MEGF8: variants seen among roughly 807,000 people sequenced by gnomAD.
MEGF8 encodes multiple EGF like domains 8.
A neutral mutation model predicts 302.9 loss-of-function variants in MEGF8; 156 were observed. The observed-to-expected ratio is 0.52, with a 90% CI of 0.45 to 0.59. MEGF8 has a LOEUF of 0.59. Among genes scored for constraint, MEGF8 ranks in the 20% least tolerant of loss-of-function variants. MEGF8 has a pLI of 0.00. For synonymous variants in MEGF8, 1,621 were observed against 1,660.5 expected (o/e 0.98, Z 0.58); for missense variants, 3,345 against 3,964.5 (o/e 0.84, Z 4.20).
At chr19:42,374,168 G>A (rs2039732366) in intron 41 of MEGF8, among the ~76,000 whole-genome samples, 1 of 152,106 alleles carries the variant, frequency 6.6e-6, no homozygotes, top group Non-Finnish European at 1.5e-5. Context: ...GACTTAAGAG[G>A]AAGACAGATT....
rs78233194 is a variant in MEGF8 at position 42,357,599 on chromosome 19, C to G, written c.5011+15C>G. The G allele has an allele frequency of 1.3e-6, 2 of 1,575,590 alleles. No homozygotes were observed. Among genetic ancestry groups the G allele is most frequent in the Non-Finnish European group, 1.7e-6 (2 of 1,162,156 alleles). ...ACCCCCCACAGGTGGGGCTGGGGAC[C>G]GGGAGGGGACAGCCCCCGTGGACCT... On this transcript the variant is annotated intron_variant, in intron 28 of 41. Transcript: ENST00000251268. This position sits in a 1 kb window ranked among gnomAD's most constrained non-coding sequence, Gnocchi z 5.2.
Position 42,358,256 on chromosome 19 carries a change from G to T in MEGF8, c.5124G>T (p.Leu1708=). 6.2e-7 allele frequency: 1 copy of T among 1,605,426 alleles called. No individual in the cohort carries two copies. The highest frequency in any genetic ancestry group is 2.2e-5 in the East Asian group (1 of 44,492). Residue 1708 remains leucine, a synonymous_variant, in exon 29 of 42, where the codon CTG becomes CTT. Coordinates refer to ENST00000251268, the MANE Select transcript of MEGF8 (RefSeq NM_001271938.2). This position sits in a 1 kb window ranked among gnomAD's most constrained non-coding sequence, Gnocchi z 4.4. ...LAAPSPELYS[L]HCPDRTWSLL... Reference sequence around the variant, plus strand: ...CCCCATCCCCCGAGCTCTACTCCCTGCACTGTCCTGACCGCACCTGGAGTC... The same window carrying T: ...CCCCATCCCCCGAGCTCTACTCCCTTCACTGTCCTGACCGCACCTGGAGTC...
chr19:42,343,443 T>C, intron 8 of MEGF8, 34 bp from the exon 9 acceptor site: 4 of 1,535,028 alleles, frequency 2.6e-6, no homozygotes, highest in Non-Finnish European at 2.7e-6. Context: ...GGGCTGGGGG[T>C]CTAATAATGT....
Position 42,375,916 on chromosome 19 carries a change from C to A in MEGF8, c.7679C>A (p.Ala2560Asp). 1 of 1,599,668 alleles carries A rather than the reference C, an allele frequency of 6.3e-7. No individual in the cohort carries two copies. Among genetic ancestry groups the A allele is most frequent in the Non-Finnish European group, 8.5e-7 (1 of 1,172,726 alleles). Residue 2560 changes from alanine (A) to aspartate (D), a missense_variant, in exon 42 of 42, where the codon GCC (alanine) becomes GAC (aspartate). Coordinates refer to ENST00000251268, the MANE Select transcript of MEGF8 (RefSeq NM_001271938.2). This position sits in a 1 kb window ranked among gnomAD's most constrained non-coding sequence, Gnocchi z 7.1. ...GCAGGGGCCAGCAGTGGGCCGGGCG[C>A]CCCAGCAGAGCCACGGGTACGGGAG... ...GGAGASSGPG[A>D]PAEPRVREVW...
Position 42,377,752 on chromosome 19 carries a change from A to G in MEGF8, c.*977A>G, listed in dbSNP as rs1042374998. 4 of 151,188 alleles carry G rather than the reference A, an allele frequency of 2.6e-5. No homozygotes were observed. Among genetic ancestry groups the G allele is most frequent in the African/African-American group, 9.8e-5 (4 of 41,010 alleles). 9.4% of individuals were successfully genotyped at this position (151,188 alleles called of 1,614,324 possible). A position where few individuals can be genotyped will look rare whatever the true frequency, so the allele number is the denominator to read the frequency against. On this transcript the variant is annotated 3_prime_UTR_variant, in exon 42 of 42. Transcript: ENST00000251268. ...CAGTGAGCTCAGATTGCGTCACTGC[A>G]CTCCAACCTGGGTGACAGAGCGAGA...
chr19:42,366,929 A>G lies in MEGF8; in HGVS notation c.6274-1526A>G, dbSNP rs1040205261. On this transcript the variant is annotated intron_variant, in intron 35 of 41. Transcript: ENST00000251268. ...TCTGGCAGTTCAGCAAGTCTCAGTG[A>G]TTTGCAGGCCCCTCAGTGGGCTCAG... Among the ~76,000 whole-genome samples the G allele has an allele frequency of 6.0e-4, 91 of 152,260 alleles. 1 individual carries two copies. Among genetic ancestry groups the G allele is most frequent in the African/African-American group, 2.1e-3 (88 of 41,560 alleles).
intron 8 of MEGF8, among the ~76,000 whole-genome samples, chr19:42,341,918 A>G (rs1443957379): frequency 6.6e-6 from 1 of 152,162 alleles, no homozygotes; most frequent in East Asian, 1.9e-4. Context: ...TGGGCGTATC[A>G]CTTCGGGGAC....
In MEGF8 at chr19:42,353,414, C is replaced by T. The variant is rs1346478486; in HGVS notation, c.3551-51C>T. 1 of 1,577,130 alleles carries T rather than the reference C, an allele frequency of 6.3e-7. No homozygotes were observed. Among genetic ancestry groups the T allele is most frequent in the Non-Finnish European group, 8.6e-7 (1 of 1,160,772 alleles). On this transcript the variant is annotated intron_variant, in intron 20 of 41. Transcript: ENST00000251268. The surrounding 1 kb of genome is among the most constrained non-coding windows in gnomAD (Gnocchi z 6.1). The stretch of plus-strand genomic sequence containing the variant: ...GTTTAGCTGAGCCAGTAGGCCTGGG[C>T]CTGTTTCCACCCTTGACTTGACTCT...
At chr19:42,332,602 G>A (rs1022874193) in intron 1 of MEGF8, among the ~76,000 whole-genome samples, 5 of 152,116 alleles carry the variant, frequency 3.3e-5, no homozygotes, top group Admixed American at 6.5e-5. Flanking sequence ...TCCTGTCCTC[G>A]TGATCCGCCT....
At chr19:42,343,655 A>G in intron 9 of MEGF8, 24 bp downstream of exon 9, 1 of 1,581,954 alleles carries the variant, frequency 6.3e-7, no homozygotes, top group Non-Finnish European at 8.6e-7. Context: ...TGACAGGGAA[A>G]GGGTGGCTGG....
rs375454414 is a variant in MEGF8 at position 42,347,351 on chromosome 19, C to T, written c.2098-921C>T. Among the ~76,000 whole-genome samples the T allele has an allele frequency of 9.8e-5, 14 of 142,648 alleles. No individual in the cohort carries two copies. The East Asian group carries it at 1.3e-3, about 13-fold the overall frequency. The allele number at this position is 142,648 out of a possible 152,430, so 93.6% of individuals were successfully genotyped here. A position where few individuals can be genotyped will look rare whatever the true frequency, so the allele number is the denominator to read the frequency against. The stretch of plus-strand genomic sequence containing the variant: ...TTTTTTTTTGAGATGGAGTCTCTCT[C>T]TATCGCCCAGGCTGGAGTGCAGTGG... On this transcript the variant is annotated intron_variant, in intron 12 of 41. Transcript: ENST00000251268.
rs1297685791 is a variant in MEGF8, at chr19:42,357,164, G to A, written c.4830+183G>A. ...CTGGGCTGGGACACAGCTTCACTCAGCAGCAGAGAGAGGCCAGGGGAGCAA... is the reference window on the plus strand; with the variant it reads ...CTGGGCTGGGACACAGCTTCACTCAACAGCAGAGAGAGGCCAGGGGAGCAA... On this transcript the variant is annotated intron_variant, in intron 27 of 41. Transcript: ENST00000251268. The surrounding 1 kb of genome is among the most constrained non-coding windows in gnomAD (Gnocchi z 5.2). Among the ~76,000 whole-genome samples, 3 of 152,224 alleles carry A rather than the reference G, an allele frequency of 2.0e-5. No individual in the cohort carries two copies. Among genetic ancestry groups the A allele is most frequent in the Non-Finnish European group, 2.9e-5 (2 of 68,024 alleles).
rs2039456262 is a variant in MEGF8, at chr19:42,356,616, C to T, written c.4623-158C>T. 6.6e-6 allele frequency among the ~76,000 whole-genome samples: 1 copy of T among 152,086 alleles called. No individual in the cohort carries two copies. Among genetic ancestry groups the T allele is most frequent in the African/African-American group, 2.4e-5 (1 of 41,408 alleles). On this transcript the variant is annotated intron_variant, in intron 26 of 41. Coordinates refer to ENST00000251268, the MANE Select transcript of MEGF8 (RefSeq NM_001271938.2). This position sits in a 1 kb window ranked among gnomAD's most constrained non-coding sequence, Gnocchi z 5.2. ...AAGCTCACCCGGGGACACTTGGGGA[C>T]CAGGGTACTTATTTGGGTGGTGCTA...
In MEGF8 at chr19:42,368,578, C is replaced by A; in HGVS notation, c.6397C>A (p.Arg2133Ser). Residue 2133 changes from arginine to serine, a missense_variant, in exon 36 of 42, where the codon CGC (arginine) becomes AGC (serine). By Grantham distance (110) the Arg-to-Ser change is moderately radical. Coordinates refer to ENST00000251268, the MANE Select transcript of MEGF8 (RefSeq NM_001271938.2). The surrounding 1 kb of genome is among the most constrained non-coding windows in gnomAD (Gnocchi z 4.9). ...QATQCALCLR[R>S]PHCGWCAWGG... The stretch of plus-strand genomic sequence containing the variant: ...AACTCAGTGCGCCTTGTGCCTGCGG[C>A]GCCCCCATTGCGGCTGGTGTGCCTG... 1 of 1,584,556 alleles carries A rather than the reference C, an allele frequency of 6.3e-7. No individual in the cohort carries two copies. The highest frequency in any genetic ancestry group is 2.3e-5 in the East Asian group (1 of 43,290).
Position 42,358,980 on chromosome 19 carries a change from G to C in MEGF8, c.5343+26G>C, listed in dbSNP as rs749070369. 2 of 1,601,220 alleles carry C rather than the reference G, an allele frequency of 1.2e-6. No homozygotes were observed. Among genetic ancestry groups the C allele is most frequent in the East Asian group, 4.5e-5 (2 of 44,520 alleles). On this transcript the variant is annotated intron_variant, in intron 30 of 41. Coordinates refer to ENST00000251268, the MANE Select transcript of MEGF8 (RefSeq NM_001271938.2). This position sits in a 1 kb window ranked among gnomAD's most constrained non-coding sequence, Gnocchi z 4.4. ...GTGAGATTTGAAGAGGGTTAGGATT[G>C]GGTGGGCTGGTAGGGGGGGATAGGT...
intron 35 of MEGF8, 145 bp downstream of exon 35, chr19:42,363,407 C>T (rs1009955704): frequency 1.9e-5 from 14 of 725,956 alleles, no homozygotes; most frequent in South Asian, 5.3e-5. Context: ...GCTTCCTTCT[C>T]GTGCCACCAT....
In MEGF8 at chr19:42,376,598, G is replaced by T; in HGVS notation, c.8361G>T (p.Leu2787=). The T allele has an allele frequency of 6.5e-7, 1 of 1,548,908 alleles. No individual in the cohort carries two copies. Residue 2787 remains leucine, a synonymous_variant, in exon 42 of 42, where the codon CTG becomes CTT. Transcript: ENST00000251268. This position sits in a 1 kb window ranked among gnomAD's most constrained non-coding sequence, Gnocchi z 8.2. The part of the protein sequence containing the change: ...MAGVATLLLQ[L]PGGPHAPNGA... ...GCGTGGCCACACTGCTGCTCCAGCT[G>T]CCTGGCGGGCCCCATGCACCCAACG... is the stretch of plus-strand genomic sequence containing the variant.
Position 42,358,978 on chromosome 19 carries a change from T to C in MEGF8, c.5343+24T>C. 2 of 1,602,016 alleles carry C rather than the reference T, an allele frequency of 1.2e-6. No homozygotes were observed. Among genetic ancestry groups the C allele is most frequent in the Non-Finnish European group, 1.7e-6 (2 of 1,174,862 alleles). On this transcript the variant is annotated intron_variant, in intron 30 of 41. Coordinates refer to ENST00000251268, the MANE Select transcript of MEGF8 (RefSeq NM_001271938.2). This position sits in a 1 kb window ranked among gnomAD's most constrained non-coding sequence, Gnocchi z 4.4. ...AGGTGAGATTTGAAGAGGGTTAGGATTGGGTGGGCTGGTAGGGGGGGATAG... is the reference window on the plus strand; with the variant it reads ...AGGTGAGATTTGAAGAGGGTTAGGACTGGGTGGGCTGGTAGGGGGGGATAG...
intron 41 of MEGF8, among the ~76,000 whole-genome samples, chr19:42,374,341 G>C (rs1456348396): frequency 1.3e-5 from 2 of 151,816 alleles, no homozygotes; most frequent in African/African-American, 2.4e-5. Flanking sequence ...TGTGGTGGCG[G>C]ACACCTGTAA....
Sources: gnomAD v4.1 joint callset for allele counts (sites outside exome capture counted in the v4.1 genomes callset) on GRCh38, gnomAD v4.1.1 for gene constraint, Gnocchi (gnomAD v3.1) non-coding constraint, MANE v1.5 for transcripts, NCBI Gene and HGNC (gene_info 2026-07-23, HGNC 2026-07-21) for gene names.